Variants in KCNC1 observed in about 807,000 individuals in gnomAD.
KCNC1 encodes voltage-gated potassium channel KCNC1.
Under a neutral mutation model 43.4 loss-of-function variants are expected in KCNC1, and 8 were observed. The ratio of observed to expected loss-of-function variants is 0.18; its 90% CI spans 0.11 to 0.33. The LOEUF (loss-of-function observed/expected upper bound fraction) is 0.33. Among genes scored for constraint, KCNC1 ranks in the 10% least tolerant of loss-of-function variants. The probability of loss-of-function intolerance (pLI) is 1.00; values close to 1 mark genes in which losing one functional copy is unlikely to be tolerated. For synonymous variants in KCNC1, 361 were observed against 360.5 expected (o/e 1.00, Z -0.01); for missense variants, 420 against 836.0 (o/e 0.50, Z 6.14).
At chr11:17,749,673 C>G (rs988456499) in intron 1 of KCNC1, among the ~76,000 whole-genome samples, 5 of 152,190 alleles carry the variant, frequency 3.3e-5, no homozygotes, top group Admixed American at 6.5e-5. Flanking sequence ...GAGCTGGAGC[C>G]CTGGGCTAAG....
In KCNC1 at chr11:17,734,853, G is replaced by C. The variant is rs1848743910; in HGVS notation, c.-1150G>C. 4 of 149,828 alleles carry C rather than the reference G, an allele frequency of 2.7e-5. No homozygotes were observed. The South Asian group carries it at 7.6e-4, about 28-fold the overall frequency. 9.3% of individuals were successfully genotyped at this position (149,828 alleles called of 1,614,324 possible). A position where few individuals can be genotyped will look rare whatever the true frequency, so the allele number is the denominator to read the frequency against. ...GCCCGGGCGGCAGCAGCGTCGCGGC[G>C]GCGGCGGCAGCGGCCGCTCCGCGCC... On this transcript the variant is annotated 5_prime_UTR_variant, in exon 1 of 4. Coordinates refer to ENST00000265969, the MANE Select transcript of KCNC1 (RefSeq NM_001112741.2).
chr11:17,751,665 A>C (rs1048283114), intron 1 of KCNC1, among the ~76,000 whole-genome samples: 5 of 152,206 alleles, frequency 3.3e-5, no homozygotes, highest in African/African-American at 1.2e-4. Flanking sequence ...CCACTCTCAA[A>C]GGTGAGAGTC....
chr11:17,736,108 T>C lies in KCNC1; in HGVS notation c.106T>C (p.Trp36Arg). The C allele has an allele frequency of 6.2e-7, 1 of 1,609,552 alleles. No homozygotes were observed. The highest frequency in any genetic ancestry group is 8.5e-7 in the Non-Finnish European group (1 of 1,178,396). ...CACGCTGCCCGGCACGCGGCTCGCCTGGCTGGCGGAGCCCGACGCCCACAG... is the reference window on the plus strand; with the variant it reads ...CACGCTGCCCGGCACGCGGCTCGCCCGGCTGGCGGAGCCCGACGCCCACAG... ...LRTLPGTRLA[W>R]LAEPDAHSHF... Residue 36 changes from tryptophan (W) to arginine (R), a missense_variant, in exon 1 of 4, where the codon TGG becomes CGG. Transcript: ENST00000265969. This position sits in a 1 kb window ranked among gnomAD's most constrained non-coding sequence, Gnocchi z 9.3.
intron 1 of KCNC1, among the ~76,000 whole-genome samples, chr11:17,751,158 G>A (rs1297076917): frequency 2.0e-5 from 3 of 152,130 alleles, no homozygotes; most frequent in Non-Finnish European, 2.9e-5. Flanking sequence ...TAGATCCCAG[G>A]TCTTCTTTTG....
rs1410730533 is a variant in KCNC1, at chr11:17,781,875, G to A, written c.*141G>A. ...AGTGGCCCAGGCATTGTACTAGGAC[G>A]GACGTAGCTTTTTCTACGGCCAAAT... On this transcript the variant is annotated 3_prime_UTR_variant, in exon 4 of 4. Coordinates refer to ENST00000265969, the MANE Select transcript of KCNC1 (RefSeq NM_001112741.2). The surrounding 1 kb of genome is among the most constrained non-coding windows in gnomAD (Gnocchi z 5.1). 5.8e-6 allele frequency: 3 copies of A among 516,424 alleles called. No individual in the cohort carries two copies. The highest frequency in any genetic ancestry group is 1.0e-5 in the Non-Finnish European group (3 of 289,314). 32.0% of individuals were successfully genotyped at this position (516,424 alleles called of 1,614,324 possible). A position where few individuals can be genotyped will look rare whatever the true frequency, so the allele number is the denominator to read the frequency against.
chr11:17,764,640 C>T (rs958317025), intron 1 of KCNC1, among the ~76,000 whole-genome samples: 5 of 152,206 alleles, frequency 3.3e-5, no homozygotes, highest in African/African-American at 9.7e-5. Flanking sequence ...GAGCTCCTCC[C>T]GCCCACTGCC....
At chr11:17,761,422 T>C (rs1849076653) in intron 1 of KCNC1, among the ~76,000 whole-genome samples, 1 of 152,252 alleles carries the variant, frequency 6.6e-6, no homozygotes, top group Admixed American at 6.5e-5. Flanking sequence ...GGAATGCCAG[T>C]GTGCAAGGGA....
chr11:17,746,046 G>C (rs745446340), intron 1 of KCNC1, among the ~76,000 whole-genome samples: 46 of 152,330 alleles, frequency 3.0e-4, no homozygotes, highest in Non-Finnish European at 1.5e-4. Flanking sequence ...GTGCTAAATA[G>C]ATATTTACTG....
chr11:17,767,569 G>C (rs892203721), intron 1 of KCNC1, among the ~76,000 whole-genome samples: 1 of 152,208 alleles, frequency 6.6e-6, no homozygotes, highest in Non-Finnish European at 1.5e-5. Context: ...TGCTCCGGCT[G>C]TGCCTGTGGC....
At chr11:17,747,287 T>C (rs1401613609) in intron 1 of KCNC1, among the ~76,000 whole-genome samples, 4 of 152,182 alleles carry the variant, frequency 2.6e-5, no homozygotes, top group Admixed American at 2.6e-4. Flanking sequence ...TCTGTGGTTA[T>C]GGGCCGCTTG....
In KCNC1 at chr11:17,735,799, C is replaced by T. The variant is rs923224724; in HGVS notation, c.-204C>T. On this transcript the variant is annotated 5_prime_UTR_variant, in exon 1 of 4. Coordinates refer to ENST00000265969, the MANE Select transcript of KCNC1 (RefSeq NM_001112741.2). This position sits in a 1 kb window ranked among gnomAD's most constrained non-coding sequence, Gnocchi z 6.7. ...CTAGAGACCCCTGGGATCCCGCGCACATTCCCCTGGACCGGCACCCGACAA... is the reference window on the plus strand; with the variant it reads ...CTAGAGACCCCTGGGATCCCGCGCATATTCCCCTGGACCGGCACCCGACAA... 1.6e-5 allele frequency: 8 copies of T among 503,688 alleles called. No individual in the cohort carries two copies. The highest frequency in any genetic ancestry group is 1.4e-4 in the African/African-American group (7 of 49,216). The allele number at this position is 503,688 out of a possible 1,614,324, so 31.2% of individuals were successfully genotyped here.
At chr11:17,772,751 G>A in intron 2 of KCNC1, 153 bp downstream of exon 2, 1 of 1,492,320 alleles carries the variant, frequency 6.7e-7, no homozygotes, top group Non-Finnish European at 8.9e-7. Flanking sequence ...GGCCCAGGGA[G>A]ATGCTGGGCG....
In KCNC1 at chr11:17,736,938, C is replaced by T. The variant is rs929667524; in HGVS notation, c.570+366C>T. Among the ~76,000 whole-genome samples, 3 of 152,160 alleles carry T rather than the reference C, an allele frequency of 2.0e-5. No individual in the cohort carries two copies. Among genetic ancestry groups the T allele is most frequent in the African/African-American group, 4.8e-5 (2 of 41,440 alleles). On this transcript the variant is annotated intron_variant, in intron 1 of 3. Transcript: ENST00000265969. The surrounding 1 kb of genome is among the most constrained non-coding windows in gnomAD (Gnocchi z 9.3). Reference sequence around the variant, plus strand: ...GTTCGAGTGTGCATGAGCGCCTGCCCGTGAACATTTGTGTCTTTGCAGAGG... The same window carrying T: ...GTTCGAGTGTGCATGAGCGCCTGCCTGTGAACATTTGTGTCTTTGCAGAGG...
At chr11:17,763,356 T>C (rs903981862) in intron 1 of KCNC1, among the ~76,000 whole-genome samples, 1 of 151,784 alleles carries the variant, frequency 6.6e-6, no homozygotes, top group East Asian at 1.9e-4. Flanking sequence ...GGAGTGACCA[T>C]CTCTGGCATA....
rs367829935 is a variant in KCNC1, at chr11:17,774,743, C to G, written c.1504+2145C>G. On this transcript the variant is annotated intron_variant, in intron 2 of 3. Coordinates refer to ENST00000265969, the MANE Select transcript of KCNC1 (RefSeq NM_001112741.2). ...TGGCTGAGGAAGTATTTGGGGCCCT[C>G]ACAAGCTTGCCCTCTGGAGCTTGGA... is the stretch of plus-strand genomic sequence containing the variant. 5 of 985,442 alleles carry G rather than the reference C, an allele frequency of 5.1e-6. No individual in the cohort carries two copies. In the African/African-American group the frequency reaches 5.2e-5, roughly 10 times the overall value. The allele number at this position is 985,442 out of a possible 1,614,324, so 61.0% of individuals were successfully genotyped here.
At chr11:17,757,776 G>GTC (rs1270481118) in intron 1 of KCNC1, among the ~76,000 whole-genome samples, 1 of 152,212 alleles carries the variant, frequency 6.6e-6, no homozygotes, top group African/African-American at 2.4e-5. Flanking sequence ...GTCTAAAAAT[G>GTC]TACATATCTT....
At chr11:17,768,674 G>A (rs971872862) in intron 1 of KCNC1, among the ~76,000 whole-genome samples, 5 of 151,942 alleles carry the variant, frequency 3.3e-5, no homozygotes, top group African/African-American at 9.7e-5. Flanking sequence ...GAGGGGAGGT[G>A]CCTCCAGCCT....
intron 1 of KCNC1, among the ~76,000 whole-genome samples, chr11:17,738,099 A>G (rs915371716): frequency 6.6e-6 from 1 of 152,082 alleles, no homozygotes; most frequent in African/African-American, 2.4e-5. Context: ...AGCCAGGCCC[A>G]TGTTTTGCCA....
At chr11:17,767,880 G>A (rs968168311) in intron 1 of KCNC1, among the ~76,000 whole-genome samples, 4 of 152,246 alleles carry the variant, frequency 2.6e-5, no homozygotes, top group South Asian at 2.1e-4. Context: ...GGGGCCCAGA[G>A]AGGAAAGAAT....
Sources: allele counts gnomAD v4.1 joint callset (sites outside exome capture counted in the v4.1 genomes callset), GRCh38; gene constraint gnomAD v4.1.1; non-coding constraint Gnocchi (gnomAD v3.1); transcripts MANE v1.5; gene names NCBI Gene and HGNC (gene_info 2026-07-23, HGNC 2026-07-21).